CPNE2: variants seen among roughly 807,000 people sequenced by gnomAD.
CPNE2 encodes the protein copine-2.
Under a neutral mutation model 69.7 loss-of-function variants are expected in CPNE2, and 42 were observed. The ratio of observed to expected loss-of-function variants is 0.60; its 90% confidence interval spans 0.47 to 0.78. The LOEUF (loss-of-function observed/expected upper bound fraction) is 0.78, where lower values mean the gene tolerates loss of function less well. Ranked by LOEUF, CPNE2 falls within the 30% of genes least tolerant of loss-of-function variation. The pLI is 0.00. For synonymous variants in CPNE2, 294 were observed against 289.8 expected (o/e 1.01, Z -0.15); for missense variants, 587 against 732.0 (o/e 0.80, Z 2.29).
At chr16:57,122,140 T>C (rs2069767658) in intron 9 of CPNE2, among the ~76,000 whole-genome samples, 1 of 152,228 alleles carries the variant, frequency 6.6e-6, no homozygotes, top group Non-Finnish European at 1.5e-5. Flanking sequence ...GGCATCAGCG[T>C]CACTGTGACT....
chr16:57,135,719 C>CA, intron 13 of CPNE2, among the ~76,000 whole-genome samples: 1 of 151,066 alleles, frequency 6.6e-6, no homozygotes, highest in Middle Eastern at 3.2e-3. Context: ...ACTAAAACTA[C>CA]AAAAATTAGC....
intron 1 of CPNE2, among the ~76,000 whole-genome samples, chr16:57,093,487 C>G (rs2069557954): frequency 6.6e-6 from 1 of 152,150 alleles, no homozygotes; most frequent in Non-Finnish European, 1.5e-5. Flanking sequence ...GTCTTACACC[C>G]TCTTCCCTGC....
chr16:57,126,205 A>G (rs57046472), intron 11 of CPNE2, among the ~76,000 whole-genome samples: 9,535 of 152,272 alleles, frequency 0.063, 360 homozygotes, highest in Middle Eastern at 0.13. Context: ...TCAAACTGGG[A>G]TCGTTTTCTA....
In CPNE2 at chr16:57,119,579, G is replaced by T. The variant is rs1359318286; in HGVS notation, c.610G>T (p.Asp204Tyr). The T allele has an allele frequency of 3.7e-6, 6 of 1,612,928 alleles. No individual in the cohort carries two copies. The highest frequency in any genetic ancestry group is 5.1e-6 in the Non-Finnish European group (6 of 1,179,494). Residue 204 changes from aspartate to tyrosine, a missense_variant, in exon 7 of 16, where the codon GAC (aspartate) becomes TAC (tyrosine). This residue lies in a region of CPNE2 where 269 missense variants were observed against 300.5 expected (regional missense o/e 0.90). Transcript: ENST00000290776. ...HRTEVIKYTLDPVWKPFTVPL... is the reference protein window; with the variant it reads ...HRTEVIKYTLYPVWKPFTVPL... The stretch of plus-strand genomic sequence containing the variant: ...CCCACAGGTGATCAAGTACACACTG[G>T]ACCCTGTGTGGAAGCCATTCACAGT...
intron 3 of CPNE2, among the ~76,000 whole-genome samples, chr16:57,114,445 C>G (rs1312905348): frequency 2.0e-5 from 3 of 152,158 alleles, no homozygotes; most frequent in African/African-American, 7.2e-5. Context: ...AACGGGGGCC[C>G]CCACCTCTCA....
chr16:57,097,621 A>G (rs1223107918), intron 1 of CPNE2, among the ~76,000 whole-genome samples: 10 of 152,198 alleles, frequency 6.6e-5, no homozygotes, highest in African/African-American at 2.4e-4. Flanking sequence ...CCCAGGTTGC[A>G]TAGGGAATGG....
intron 6 of CPNE2, 67 bp downstream of exon 6, chr16:57,119,345 A>G: frequency 6.6e-7 from 1 of 1,520,702 alleles, no homozygotes; most frequent in Non-Finnish European, 9.1e-7. Flanking sequence ...CACAGCTCTG[A>G]AAAAGGGAGG....
chr16:57,125,706 C>CA (rs2069795683), intron 10 of CPNE2, 154 bp from the exon 11 acceptor site: 1 of 875,966 alleles, frequency 1.1e-6, no homozygotes, highest in Non-Finnish European at 1.7e-6. Flanking sequence ...GTGATACAAT[C>CA]AGAGCATTTC....
intron 1 of CPNE2, among the ~76,000 whole-genome samples, chr16:57,097,450 A>T (rs2069584831): frequency 6.6e-6 from 1 of 152,214 alleles, no homozygotes; most frequent in Non-Finnish European, 1.5e-5. Context: ...CAAAGTCCCA[A>T]GTGAAAGAGG....
rs113166343 is a variant in CPNE2 at position 57,124,459 on chromosome 16, C to G, written c.927+986C>G. 21 of 443,134 alleles carry G rather than the reference C, an allele frequency of 4.7e-5. 1 individual carries two copies. Among genetic ancestry groups the G allele is most frequent in the African/African-American group, 2.6e-4 (13 of 49,794 alleles). 27.5% of individuals were successfully genotyped at this position (443,134 alleles called of 1,614,324 possible). ...TTGTCGCTTCTCCCTGATCGTCGCA[C>G]CCACTGGAATGTGAGTGCTTTTAAG... On this transcript the variant is annotated intron_variant, in intron 10 of 15. Transcript: ENST00000290776.
chr16:57,119,095 A>T (rs1293402977), intron 5 of CPNE2, 100 bp from the exon 6 acceptor site: 1 of 1,068,956 alleles, frequency 9.4e-7, no homozygotes, highest in African/African-American at 1.6e-5. Context: ...CACAGCTCCT[A>T]TCCTGACACC....
intron 14 of CPNE2, chr16:57,141,742 G>A (rs2069924163): frequency 6.6e-6 from 1 of 152,168 alleles, no homozygotes; most frequent in South Asian, 2.1e-4. Context: ...CGAGGATAAT[G>A]GAAACAGTCC....
In CPNE2 at chr16:57,126,034, A is replaced by G. The variant is rs748796414; in HGVS notation, c.1061+41A>G. ...GGCTCTGAAGGTCAGCTAGGGTTCC[A>G]TCCAACCTGGGAAGCTCAGTGTATC... is the stretch of plus-strand genomic sequence containing the variant. On this transcript the variant is annotated intron_variant, in intron 11 of 15. Transcript: ENST00000290776. The G allele has an allele frequency of 6.2e-6, 10 of 1,610,874 alleles. 1 individual carries two copies. Among genetic ancestry groups the G allele is most frequent in the South Asian group, 1.1e-5 (1 of 90,524 alleles).
At chr16:57,133,018 C>T in intron 12 of CPNE2, among the ~76,000 whole-genome samples, 1 of 152,190 alleles carries the variant, frequency 6.6e-6, no homozygotes, top group East Asian at 1.9e-4. Flanking sequence ...CCACTGTGGT[C>T]TCTAAAATCT....
chr16:57,115,838 T>C (rs941233791), intron 4 of CPNE2, among the ~76,000 whole-genome samples: 10 of 152,222 alleles, frequency 6.6e-5, no homozygotes, highest in Non-Finnish European at 1.0e-4. Flanking sequence ...TGCCCATCAG[T>C]GCCCTGCTTG....
rs908658308 is a variant in CPNE2, at chr16:57,123,533, G to A, written c.927+60G>A. On this transcript the variant is annotated intron_variant, in intron 10 of 15. Transcript: ENST00000290776. ...CATCCCAGTGAGGGTCCTCCCTGAA[G>A]ACTTGGGCCACTAGTGCAGCCAGAG... 3.9e-6 allele frequency: 6 copies of A among 1,558,252 alleles called. No homozygotes were observed. In the East Asian group the frequency reaches 1.3e-4, roughly 35 times the overall value.
At chr16:57,116,718 T>C (rs1303423485) in intron 4 of CPNE2, among the ~76,000 whole-genome samples, 2 of 152,108 alleles carry the variant, frequency 1.3e-5, no homozygotes, top group Non-Finnish European at 2.9e-5. Flanking sequence ...GGACCTACCC[T>C]ATAGGGTTGT....
chr16:57,135,190 G>A (rs2069869618), intron 13 of CPNE2, among the ~76,000 whole-genome samples: 1 of 152,170 alleles, frequency 6.6e-6, no homozygotes, highest in Non-Finnish European at 1.5e-5. Flanking sequence ...GGAGGTGAGG[G>A]TGGCACCAGA....
intron 1 of CPNE2, among the ~76,000 whole-genome samples, chr16:57,097,283 G>A (rs1257769741): frequency 1.3e-5 from 2 of 152,006 alleles, no homozygotes; most frequent in Non-Finnish European, 2.9e-5. Flanking sequence ...ACTCCATCCC[G>A]AACTCCTATG....
Sources: allele counts gnomAD v4.1 joint callset (sites outside exome capture counted in the v4.1 genomes callset), GRCh38; gene constraint gnomAD v4.1.1; regional missense constraint gnomAD v4.1.1; transcripts MANE v1.5; gene names NCBI Gene and HGNC (gene_info 2026-07-23, HGNC 2026-07-21).